Variants in KLHL2 observed in about 807,000 individuals in gnomAD.
KLHL2 encodes the protein kelch like family member 2.
Under a neutral mutation model 75.8 loss-of-function variants are expected in KLHL2, and 15 were observed. The observed-to-expected ratio is 0.20, with a 90% CI of 0.13 to 0.30. The LOEUF (loss-of-function observed/expected upper bound fraction) is 0.30. KLHL2 is among the 10% of genes least tolerant of loss of function. The pLI is 1.00. For missense variants in KLHL2, 381 were observed against 741.0 expected (o/e 0.51, Z 5.64); for synonymous variants, 214 against 251.9 (o/e 0.85, Z 1.42).
In KLHL2 at chr4:165,314,183, G is replaced by A. The variant is rs1231340243; in HGVS notation, c.1609+17G>A. The A allele has an allele frequency of 4.4e-6, 7 of 1,604,668 alleles. No individual in the cohort carries two copies. Among genetic ancestry groups the A allele is most frequent in the South Asian group, 2.2e-5 (2 of 89,746 alleles). On this transcript the variant is annotated intron_variant, in intron 13 of 14. Transcript: ENST00000226725. ...GAAATGCAGGTATCTGTCAGTTTAA[G>A]GTTATAAAACTTATGTTGAATTTTA...
rs769035511 is a variant in KLHL2, at chr4:165,311,438, A to T, written c.1238-26A>T. The T allele has an allele frequency of 2.7e-6, 4 of 1,503,068 alleles. No homozygotes were observed. In the South Asian group the frequency reaches 4.6e-5, roughly 17 times the overall value. The allele number at this position is 1,503,068 out of a possible 1,614,324, so 93.1% of individuals were successfully genotyped here. ...CTATTGACATTTTTTAGAGAAGGAA[A>T]TGAAGACTATTGTGCTTTATTATAG... On this transcript the variant is annotated intron_variant, in intron 10 of 14. Transcript: ENST00000226725.
chr4:165,286,411 C>T (rs1744096681), intron 5 of KLHL2, among the ~76,000 whole-genome samples: 1 of 151,818 alleles, frequency 6.6e-6, no homozygotes, highest in South Asian at 2.1e-4. Flanking sequence ...TAACTGTGGA[C>T]AGTAATATAC....
intron 5 of KLHL2, among the ~76,000 whole-genome samples, chr4:165,289,803 CAT>C (rs1240730843): frequency 6.6e-6 from 1 of 152,130 alleles, no homozygotes; most frequent in Non-Finnish European, 1.5e-5. Flanking sequence ...ACTAAGATAA[CAT>C]GTAGTCACAG....
At chr4:165,302,958 C>T (rs1175822021) in intron 8 of KLHL2, among the ~76,000 whole-genome samples, 1 of 152,152 alleles carries the variant, frequency 6.6e-6, no homozygotes, top group Non-Finnish European at 1.5e-5. Flanking sequence ...TGGTGTTTCT[C>T]AAATACCTGT....
chr4:165,207,794 G>A lies in KLHL2; in HGVS notation c.-83G>A. On this transcript the variant is annotated 5_prime_UTR_variant, in exon 1 of 15. Transcript: ENST00000226725. This position sits in a 1 kb window ranked among gnomAD's most constrained non-coding sequence, Gnocchi z 4.2. Reference sequence around the variant, plus strand: ...GGGCGGATGGAACGCGGCTCGGCGGGCGGGCAGTGCCGGCGTCCGCGGCTG... The same window carrying A: ...GGGCGGATGGAACGCGGCTCGGCGGACGGGCAGTGCCGGCGTCCGCGGCTG... 1 of 1,245,032 alleles carries A rather than the reference G, an allele frequency of 8.0e-7. No homozygotes were observed. Among genetic ancestry groups the A allele is most frequent in the Non-Finnish European group, 1.1e-6 (1 of 933,912 alleles). The allele number at this position is 1,245,032 out of a possible 1,614,324, so 77.1% of individuals were successfully genotyped here. A position where few individuals can be genotyped will look rare whatever the true frequency, so the allele number is the denominator to read the frequency against.
intron 4 of KLHL2, among the ~76,000 whole-genome samples, chr4:165,254,746 G>A (rs1741028657): frequency 6.6e-6 from 1 of 152,120 alleles, no homozygotes; most frequent in Non-Finnish European, 1.5e-5. Context: ...AACTAATGAG[G>A]CATCAAATAC....
intron 14 of KLHL2, chr4:165,321,456 CACATA>C (rs1746969328): frequency 2.7e-6 from 1 of 365,538 alleles, no homozygotes; most frequent in South Asian, 2.1e-5. Context: ...CAATATATAA[CACATA>C]ACATGTTATG....
chr4:165,297,778 G>T (rs200960217), intron 7 of KLHL2, 53 bp downstream of exon 7: 32 of 1,046,196 alleles, frequency 3.1e-5, no homozygotes, highest in East Asian at 1.2e-4. Context: ...TCACTGGCCT[G>T]ACAGCATGTA....
intron 3 of KLHL2, 36 bp from the exon 4 acceptor site, chr4:165,238,742 T>C (rs1156843526): frequency 6.2e-7 from 1 of 1,612,000 alleles, no homozygotes; most frequent in Non-Finnish European, 8.5e-7. Context: ...CAGCAGTGTC[T>C]TGCTGTAACA....
intron 1 of KLHL2, among the ~76,000 whole-genome samples, chr4:165,212,835 G>C (rs1464738673): frequency 5.9e-5 from 9 of 152,152 alleles, no homozygotes; most frequent in Admixed American, 1.3e-4. Context: ...ATTTCCTCAC[G>C]GAAGTAGGCC....
chr4:165,207,815 G>T lies in KLHL2; in HGVS notation c.-62G>T, dbSNP rs1361586753. 14 of 1,394,126 alleles carry T rather than the reference G, an allele frequency of 1.0e-5. No individual in the cohort carries two copies. The South Asian group carries it at 1.6e-4, about 16-fold the overall frequency. The allele number at this position is 1,394,126 out of a possible 1,614,324, so 86.4% of individuals were successfully genotyped here. Reference sequence around the variant, plus strand: ...GCGGGCGGGCAGTGCCGGCGTCCGCGGCTGGAATGGTGCTGGCTGTGTTGG... The same window carrying T: ...GCGGGCGGGCAGTGCCGGCGTCCGCTGCTGGAATGGTGCTGGCTGTGTTGG... On this transcript the variant is annotated 5_prime_UTR_variant, in exon 1 of 15. Coordinates refer to ENST00000226725, the MANE Select transcript of KLHL2 (RefSeq NM_007246.4). The surrounding 1 kb of genome is among the most constrained non-coding windows in gnomAD (Gnocchi z 4.2).
At chr4:165,285,570 C>T (rs1744026029) in intron 5 of KLHL2, among the ~76,000 whole-genome samples, 3 of 152,066 alleles carry the variant, frequency 2.0e-5, no homozygotes, top group Admixed American at 1.3e-4. Flanking sequence ...CCATTCCTGG[C>T]TAATTTTTGT....
At chr4:165,259,619 T>A (rs1313122282) in intron 4 of KLHL2, among the ~76,000 whole-genome samples, 1 of 152,234 alleles carries the variant, frequency 6.6e-6, no homozygotes, top group Admixed American at 6.5e-5. Context: ...GGCAAGTGCT[T>A]AGCACAGTGC....
chr4:165,249,278 G>A (rs1358426351), intron 4 of KLHL2, among the ~76,000 whole-genome samples: 2 of 152,200 alleles, frequency 1.3e-5, no homozygotes. Flanking sequence ...ATAGCTCAGA[G>A]TAGCCAAAAT....
intron 1 of KLHL2, among the ~76,000 whole-genome samples, chr4:165,211,528 C>G (rs1737203889): frequency 1.3e-5 from 2 of 152,142 alleles, no homozygotes; most frequent in Admixed American, 1.3e-4. Flanking sequence ...ACCCAGTATT[C>G]ATTTGTTTGT....
chr4:165,225,917 A>G (rs1738399187), intron 2 of KLHL2, among the ~76,000 whole-genome samples: 1 of 152,232 alleles, frequency 6.6e-6, no homozygotes, highest in Admixed American at 6.5e-5. Flanking sequence ...TTATTAGTTA[A>G]CTAACATCAA....
At chr4:165,232,607 G>T (rs1360889717) in intron 3 of KLHL2, among the ~76,000 whole-genome samples, 1 of 151,868 alleles carries the variant, frequency 6.6e-6, no homozygotes, top group Non-Finnish European at 1.5e-5. Flanking sequence ...GGTCACACGT[G>T]CCTGTATAGT....
intron 3 of KLHL2, among the ~76,000 whole-genome samples, chr4:165,231,546 A>G (rs775869719): frequency 1.1e-4 from 16 of 152,224 alleles, no homozygotes; most frequent in South Asian, 2.1e-4. Flanking sequence ...TTGTTCTCAC[A>G]TAATGTTTTT....
At chr4:165,300,370 A>C (rs1352188274) in intron 8 of KLHL2, among the ~76,000 whole-genome samples, 1 of 151,814 alleles carries the variant, frequency 6.6e-6, no homozygotes, top group Admixed American at 6.6e-5. Flanking sequence ...GTAGTTTCAC[A>C]GAATTACACA....
Sources: allele counts gnomAD v4.1 joint callset (sites outside exome capture counted in the v4.1 genomes callset), GRCh38; gene constraint gnomAD v4.1.1; non-coding constraint Gnocchi (gnomAD v3.1); transcripts MANE v1.5; gene names NCBI Gene and HGNC (gene_info 2026-07-23, HGNC 2026-07-21).